SDK2: variants seen among roughly 807,000 people sequenced by gnomAD.
The protein encoded by SDK2 is sidekick cell adhesion molecule 2, also known as protein sidekick-2.
A neutral mutation model predicts 253.9 loss-of-function variants in SDK2; 105 were observed. The observed-to-expected ratio is 0.41, with a 90% confidence interval of 0.35 to 0.49. The LOEUF (loss-of-function observed/expected upper bound fraction) is 0.49. SDK2 is among the 20% of genes least tolerant of loss of function. The pLI, the probability that SDK2 is intolerant of heterozygous loss-of-function variation, is 0.06. For synonymous variants in SDK2, 1,249 were observed against 1,234.9 expected (o/e 1.01, Z -0.24); for missense variants, 2,608 against 3,003.0 (o/e 0.87, Z 3.07).
chr17:73,527,783 A>T (rs1036956281), intron 1 of SDK2, among the ~76,000 whole-genome samples: 1 of 152,146 alleles, frequency 6.6e-6, no homozygotes, highest in Non-Finnish European at 1.5e-5. Context: ...TCCCAGGGAG[A>T]AATACCTCCT....
chr17:73,625,626 AT>A (rs759532268), intron 1 of SDK2, among the ~76,000 whole-genome samples: 1 of 151,648 alleles, frequency 6.6e-6, no homozygotes, highest in Non-Finnish European at 1.5e-5. Flanking sequence ...TTAACACCAC[AT>A]TTTCTTTTCT....
chr17:73,371,789 A>C (rs912473178), intron 36 of SDK2, among the ~76,000 whole-genome samples: 1 of 151,922 alleles, frequency 6.6e-6, no homozygotes, highest in East Asian at 1.9e-4. Context: ...GCGAAACTCT[A>C]TCTCTACTAA....
chr17:73,567,427 T>C (rs1251318062), intron 1 of SDK2, among the ~76,000 whole-genome samples: 1 of 144,328 alleles, frequency 6.9e-6, no homozygotes, highest in Admixed American at 6.7e-5. Flanking sequence ...AGGCCTCTGC[T>C]AGGGCAGTGT....
chr17:73,405,513 T>A (rs58510364), intron 18 of SDK2, among the ~76,000 whole-genome samples: 11,730 of 21,518 alleles, frequency 0.55, 4,069 homozygotes, highest in East Asian at 0.73. Context: ...TATATATATA[T>A]ATATAAAGAT....
intron 40 of SDK2, among the ~76,000 whole-genome samples, chr17:73,355,937 A>G (rs2062588920): frequency 1.3e-5 from 2 of 152,116 alleles, no homozygotes; most frequent in Non-Finnish European, 2.9e-5. Flanking sequence ...ATGATATCAT[A>G]ATGATGATGA....
chr17:73,567,942 G>T (rs1232077097), intron 1 of SDK2, among the ~76,000 whole-genome samples: 1 of 152,180 alleles, frequency 6.6e-6, no homozygotes, highest in African/African-American at 2.4e-5. Flanking sequence ...TTTTTGAGTT[G>T]ATACTCAAAT....
intron 21 of SDK2, among the ~76,000 whole-genome samples, chr17:73,400,669 T>G (rs182540833): frequency 8.5e-4 from 128 of 150,944 alleles, no homozygotes; most frequent in Non-Finnish European, 1.1e-3. Context: ...TATTTTTTTT[T>G]TTGAGACGCG....
At chr17:73,527,395 C>T (rs1259873404) in intron 1 of SDK2, among the ~76,000 whole-genome samples, 2 of 152,144 alleles carry the variant, frequency 1.3e-5, no homozygotes, top group African/African-American at 4.8e-5. Flanking sequence ...AAAAGGTCAC[C>T]CTTATGGCAG....
chr17:73,416,369 G>A (rs2063182669), intron 16 of SDK2, among the ~76,000 whole-genome samples: 1 of 151,166 alleles, frequency 6.6e-6, no homozygotes, highest in African/African-American at 2.4e-5. Context: ...GCTAATTTTT[G>A]TATTTTTAGT....
intron 1 of SDK2, among the ~76,000 whole-genome samples, chr17:73,610,117 A>G (rs1448049429): frequency 6.6e-6 from 1 of 152,184 alleles, no homozygotes; most frequent in African/African-American, 2.4e-5. Context: ...TCTCGGGGAG[A>G]CACTAAAAGC....
chr17:73,396,966 C>T (rs889046658), intron 24 of SDK2, among the ~76,000 whole-genome samples: 7 of 152,214 alleles, frequency 4.6e-5, no homozygotes, highest in East Asian at 3.9e-4. Context: ...CGAGGACTGA[C>T]GGCGCCAAGC....
chr17:73,452,155 T>C (rs2063494788), intron 4 of SDK2, among the ~76,000 whole-genome samples: 1 of 152,154 alleles, frequency 6.6e-6, no homozygotes. Context: ...TGCATCTTTA[T>C]GAGGAATCTT....
At chr17:73,513,256 A>G (rs1404428900) in intron 1 of SDK2, among the ~76,000 whole-genome samples, 1 of 152,224 alleles carries the variant, frequency 6.6e-6, no homozygotes. Flanking sequence ...AAATGTTCCC[A>G]CAAATCAGTA....
intron 2 of SDK2, among the ~76,000 whole-genome samples, chr17:73,497,069 G>A (rs1215744088): frequency 1.3e-5 from 2 of 152,166 alleles, no homozygotes; most frequent in Non-Finnish European, 1.5e-5. Context: ...GCTAACTTTT[G>A]TATTTTTAGT....
intron 1 of SDK2, among the ~76,000 whole-genome samples, chr17:73,508,622 C>G (rs2063953823): frequency 6.6e-6 from 1 of 152,224 alleles, no homozygotes; most frequent in Admixed American, 6.5e-5. Context: ...ATATGCTCGT[C>G]TAATCTTCAC....
intron 2 of SDK2, among the ~76,000 whole-genome samples, chr17:73,494,226 T>G (rs1247091313): frequency 6.6e-6 from 1 of 152,224 alleles, no homozygotes; most frequent in African/African-American, 2.4e-5. Context: ...GGCCTGGGTC[T>G]GAATTTTAAT....
intron 28 of SDK2, 138 bp from the exon 29 acceptor site, chr17:73,390,619 T>C: frequency 2.2e-6 from 2 of 889,544 alleles, no homozygotes; most frequent in Non-Finnish European, 3.4e-6. Context: ...CTGTGGTCTG[T>C]CTGCCTGAGG....
intron 2 of SDK2, among the ~76,000 whole-genome samples, chr17:73,500,464 C>A (rs527474140): frequency 6.9e-6 from 1 of 144,354 alleles, no homozygotes; most frequent in African/African-American, 2.6e-5. Flanking sequence ...CTCCATCCTC[C>A]ATCCATCCTC....
intron 38 of SDK2, 86 bp downstream of exon 38, chr17:73,365,170 CAT>C (rs1408082809): frequency 1.0e-5 from 10 of 986,398 alleles, no homozygotes; most frequent in African/African-American, 3.3e-5. Context: ...GAATCTCACT[CAT>C]GTGTAGTGGC....
Sources: gnomAD v4.1 joint callset for allele counts (sites outside exome capture counted in the v4.1 genomes callset) on GRCh38, gnomAD v4.1.1 for gene constraint, MANE v1.5 for transcripts, NCBI Gene and HGNC (gene_info 2026-07-23, HGNC 2026-07-21) for gene names.